The following CARMIL1 variants were observed in gnomAD, a reference collection of about 807,000 sequenced individuals.
CARMIL1 encodes the protein capping protein regulator and myosin 1 linker 1, also known as F-actin-uncapping protein LRRC16A.
A neutral mutation model predicts 177.1 loss-of-function variants in CARMIL1; 90 were observed. The ratio of observed to expected loss-of-function variants is 0.51; its 90% CI spans 0.43 to 0.61. The LOEUF (loss-of-function observed/expected upper bound fraction) is 0.61. Ranked by LOEUF, CARMIL1 falls within the 20% of genes least tolerant of loss-of-function variation. The pLI is 0.00. For synonymous variants in CARMIL1, 577 were observed against 606.2 expected (o/e 0.95, Z 0.71); for missense variants, 1,380 against 1,667.0 (o/e 0.83, Z 3.00).
chr6:25,346,102 A>G (rs1787484102), intron 2 of CARMIL1, among the ~76,000 whole-genome samples: 1 of 152,138 alleles, frequency 6.6e-6, no homozygotes, highest in Non-Finnish European at 1.5e-5. Flanking sequence ...TTCCAGCCTT[A>G]TCCCCTTCAG....
intron 28 of CARMIL1, among the ~76,000 whole-genome samples, chr6:25,556,288 A>G (rs556904964): frequency 6.6e-6 from 1 of 152,350 alleles, no homozygotes; most frequent in South Asian, 2.1e-4. Flanking sequence ...GGTATTCATT[A>G]TATGAAAACA....
At chr6:25,356,109 C>T (rs890763168) in intron 2 of CARMIL1, among the ~76,000 whole-genome samples, 1 of 148,554 alleles carries the variant, frequency 6.7e-6, no homozygotes, top group African/African-American at 2.5e-5. Flanking sequence ...GGACTGCGGA[C>T]TGCAGTGGCA....
At chr6:25,594,932 G>C (rs1814676060) in intron 32 of CARMIL1, among the ~76,000 whole-genome samples, 1 of 152,132 alleles carries the variant, frequency 6.6e-6, no homozygotes, top group Admixed American at 6.5e-5. Context: ...GGTTATGCTG[G>C]AATTACTTAC....
intron 2 of CARMIL1, among the ~76,000 whole-genome samples, chr6:25,330,994 T>C (rs1048148788): frequency 3.3e-5 from 5 of 151,090 alleles, no homozygotes; most frequent in African/African-American, 1.2e-4. Flanking sequence ...TCAAGATAAA[T>C]TGTAGAAAGA....
chr6:25,410,021 A>C (rs1381949703), intron 2 of CARMIL1, among the ~76,000 whole-genome samples: 1 of 152,072 alleles, frequency 6.6e-6, no homozygotes, highest in African/African-American at 2.4e-5. Context: ...TATTCTCTGA[A>C]TTTAATGAAG....
chr6:25,568,585 G>GT (rs905075342), intron 29 of CARMIL1, among the ~76,000 whole-genome samples: 8 of 152,182 alleles, frequency 5.3e-5, no homozygotes, highest in African/African-American at 1.4e-4. Context: ...TCAAGACAGG[G>GT]TTTTTATCTG....
intron 9 of CARMIL1, among the ~76,000 whole-genome samples, chr6:25,468,765 CT>C (rs1168392609): frequency 1.3e-5 from 2 of 152,260 alleles, no homozygotes; most frequent in South Asian, 2.1e-4. Flanking sequence ...CACGTCTCCC[CT>C]ACTGGCATTT....
chr6:25,531,747 T>C (rs1207207056), intron 24 of CARMIL1, among the ~76,000 whole-genome samples: 2 of 152,234 alleles, frequency 1.3e-5, no homozygotes, highest in African/African-American at 4.8e-5. Context: ...CAATGAAAGT[T>C]ACACTGAAAC....
chr6:25,608,050 C>T (rs1235035845), intron 35 of CARMIL1, among the ~76,000 whole-genome samples: 1 of 152,136 alleles, frequency 6.6e-6, no homozygotes, highest in Non-Finnish European at 1.5e-5. Context: ...TAATAGAAAG[C>T]AAAGCAAATA....
intron 29 of CARMIL1, chr6:25,576,946 A>AT (rs1450605884): frequency 2.2e-5 from 21 of 974,808 alleles, no homozygotes; most frequent in South Asian, 4.8e-5. Context: ...TTCCATTCAT[A>AT]TTTTTTTTCT....
In CARMIL1 at chr6:25,510,772, A is replaced by G; in HGVS notation, c.1632+10A>G. The G allele has an allele frequency of 4.8e-6, 7 of 1,463,028 alleles. No individual in the cohort carries two copies. Among genetic ancestry groups the G allele is most frequent in the Non-Finnish European group, 6.4e-6 (7 of 1,087,708 alleles). 90.6% of individuals were successfully genotyped at this position (1,463,028 alleles called of 1,614,324 possible). On this transcript the variant is annotated intron_variant, in intron 20 of 36. Coordinates refer to ENST00000329474, the MANE Select transcript of CARMIL1 (RefSeq NM_017640.6). ...TCAAGATGAAGAATCAGTGAGTATTATGTTAAACTTTTTACTAAAATCTTC... is the reference window on the plus strand; with the variant it reads ...TCAAGATGAAGAATCAGTGAGTATTGTGTTAAACTTTTTACTAAAATCTTC...
intron 31 of CARMIL1, among the ~76,000 whole-genome samples, chr6:25,581,982 G>A (rs1813160166): frequency 6.6e-6 from 1 of 152,144 alleles, no homozygotes; most frequent in Non-Finnish European, 1.5e-5. Flanking sequence ...AATTGTGTGT[G>A]CTGATGAGCC....
chr6:25,387,625 G>A (rs950066691), intron 2 of CARMIL1, among the ~76,000 whole-genome samples: 1 of 152,146 alleles, frequency 6.6e-6, no homozygotes, highest in African/African-American at 2.4e-5. Flanking sequence ...CTACTTGGGG[G>A]CATTTCTTCA....
chr6:25,605,769 A>G (rs1363655615), intron 34 of CARMIL1, among the ~76,000 whole-genome samples: 1 of 152,240 alleles, frequency 6.6e-6, no homozygotes, highest in East Asian at 1.9e-4. Flanking sequence ...TTTTCCTTGT[A>G]TGTGATTACG....
At chr6:25,378,211 A>G in intron 2 of CARMIL1, among the ~76,000 whole-genome samples, 1 of 152,224 alleles carries the variant, frequency 6.6e-6, no homozygotes, top group East Asian at 1.9e-4. Context: ...GCTTTCATGC[A>G]CTTGGCAAGG....
At position 25,515,931 on chromosome 6, in the gene CARMIL1, A is replaced by G; in HGVS notation, c.1805+84A>G. The stretch of plus-strand genomic sequence containing the variant: ...AAGCATTGCAGAGCTGCTGGGCCCG[A>G]GGGGACCTGGGCTTCCCATGAGGCC... On this transcript the variant is annotated intron_variant, in intron 21 of 36. Coordinates refer to ENST00000329474, the MANE Select transcript of CARMIL1 (RefSeq NM_017640.6). This position sits in a 1 kb window ranked among gnomAD's most constrained non-coding sequence, Gnocchi z 5.0. The G allele has an allele frequency of 7.2e-7, 1 of 1,388,360 alleles. No homozygotes were observed. The highest frequency in any genetic ancestry group is 9.7e-7 in the Non-Finnish European group (1 of 1,031,746). The allele number at this position is 1,388,360 out of a possible 1,614,324, so 86.0% of individuals were successfully genotyped here. A position where few individuals can be genotyped will look rare whatever the true frequency, so the allele number is the denominator to read the frequency against.
chr6:25,374,439 C>G (rs1790776760), intron 2 of CARMIL1, among the ~76,000 whole-genome samples: 1 of 152,074 alleles, frequency 6.6e-6, no homozygotes, highest in Non-Finnish European at 1.5e-5. Flanking sequence ...TGTTTTGTGG[C>G]CTATCATATG....
At chr6:25,282,910 A>G (rs1781249738) in intron 1 of CARMIL1, among the ~76,000 whole-genome samples, 1 of 152,192 alleles carries the variant, frequency 6.6e-6, no homozygotes, top group African/African-American at 2.4e-5. Flanking sequence ...ATCTCTATCT[A>G]GCACCTAGTA....
chr6:25,451,986 G>GCCTCCCCC, intron 8 of CARMIL1: 2 of 112,672 alleles, frequency 1.8e-5, no homozygotes, highest in Admixed American at 1.1e-4. Flanking sequence ...CTAGCATCTT[G>GCCTCCCCC]CCCCCCCCTC....
Sources: allele counts gnomAD v4.1 joint callset (sites outside exome capture counted in the v4.1 genomes callset), GRCh38; gene constraint gnomAD v4.1.1; non-coding constraint Gnocchi (gnomAD v3.1); transcripts MANE v1.5; gene names NCBI Gene and HGNC (gene_info 2026-07-23, HGNC 2026-07-21).